CEP83: variants seen among roughly 807,000 people sequenced by gnomAD.
CEP83 encodes centrosomal protein of 83 kDa.
In CEP83, 70 loss-of-function variants were observed where a neutral mutation model predicts 101.9. The ratio of observed to expected loss-of-function variants is 0.69; its 90% CI spans 0.57 to 0.84. The LOEUF (loss-of-function observed/expected upper bound fraction) is 0.84. CEP83 is among the 40% of genes least tolerant of loss of function. CEP83 has a pLI of 0.00. For synonymous variants in CEP83, 264 were observed against 267.9 expected (o/e 0.99, Z 0.14); for missense variants, 715 against 787.2 (o/e 0.91, Z 1.10).
intron 5 of CEP83, 75 bp downstream of exon 5, chr12:94,403,095 T>C: frequency 1.3e-6 from 1 of 771,014 alleles, no homozygotes; most frequent in East Asian, 2.5e-5. Flanking sequence ...GGTTTTGGGG[T>C]AGGGGAATGA....
intron 11 of CEP83, among the ~76,000 whole-genome samples, chr12:94,346,848 G>T (rs1400150348): frequency 6.6e-6 from 1 of 152,026 alleles, no homozygotes; most frequent in Non-Finnish European, 1.5e-5. Context: ...GACCAGTCTG[G>T]GAAACATGGA....
At chr12:94,275,522 G>A in the CEP83 span, among the ~76,000 whole-genome samples, 1 of 152,166 alleles carries the variant, frequency 6.6e-6, no homozygotes, top group Non-Finnish European at 1.5e-5. Flanking sequence ...GTGTTAAGAG[G>A]CTGACCCCAA....
chr12:94,323,205 C>T (rs2058823643), intron 14 of CEP83, among the ~76,000 whole-genome samples: 4 of 152,096 alleles, frequency 2.6e-5, no homozygotes, highest in African/African-American at 9.7e-5. Context: ...GGGGTATGTA[C>T]AGGGGTCTAA....
At chr12:94,389,987 A>T (rs1459498222) in intron 6 of CEP83, among the ~76,000 whole-genome samples, 2 of 152,224 alleles carry the variant, frequency 1.3e-5, no homozygotes, top group Non-Finnish European at 2.9e-5. Flanking sequence ...GGCGGAGCCC[A>T]CTGCAGCTCA....
chr12:94,308,767 G>A lies in CEP83; in HGVS notation c.*46C>T. The A allele has an allele frequency of 1.6e-6, 2 of 1,273,562 alleles. No individual in the cohort carries two copies. The highest frequency in any genetic ancestry group is 2.3e-6 in the Non-Finnish European group (2 of 874,090). The allele number at this position is 1,273,562 out of a possible 1,614,324, so 78.9% of individuals were successfully genotyped here. ...ACAGGTTAAAATGTCAAGTTTTACT[G>A]AGTCACCAACTTCACCTCTTTTGAT... On this transcript the variant is annotated 3_prime_UTR_variant, in exon 17 of 17. Transcript: ENST00000397809.
chr12:94,329,082 C>T (rs1379766853), intron 14 of CEP83, among the ~76,000 whole-genome samples: 1 of 152,186 alleles, frequency 6.6e-6, no homozygotes, highest in Non-Finnish European at 1.5e-5. Flanking sequence ...TAATCATTCA[C>T]TGAATTGACC....
intron 1 of CEP83, among the ~76,000 whole-genome samples, chr12:94,436,138 C>G (rs980347337): frequency 1.3e-5 from 2 of 151,546 alleles, no homozygotes; most frequent in African/African-American, 4.8e-5. Context: ...AAAAAGGAAC[C>G]AGGAAAGTAA....
the CEP83 span, among the ~76,000 whole-genome samples, chr12:94,288,830 C>T: frequency 6.6e-6 from 1 of 152,276 alleles, no homozygotes; most frequent in Admixed American, 6.5e-5. Flanking sequence ...TCTGTTTTCA[C>T]GTAATATTGT....
upstream of CEP83, chr12:94,459,985 A>AC (rs1320302561): frequency 2.0e-5 from 3 of 151,960 alleles, no homozygotes; most frequent in African/African-American, 2.4e-5. Context: ...AGGAAGTCCC[A>AC]CCCCCCACGC....
the CEP83 span, among the ~76,000 whole-genome samples, chr12:94,271,986 C>T: frequency 6.6e-6 from 1 of 152,098 alleles, no homozygotes; most frequent in Non-Finnish European, 1.5e-5. Context: ...CTGTGGCAGA[C>T]AGTATCCCAT....
At position 94,441,369 on chromosome 12, in the gene CEP83, T is replaced by C. The variant is rs140975251; in HGVS notation, c.-154-6042A>G. 3.3e-4 allele frequency among the ~76,000 whole-genome samples: 50 copies of C among 152,286 alleles called. No individual in the cohort carries two copies. In the East Asian group the frequency reaches 6.9e-3, roughly 21 times the overall value. On this transcript the variant is annotated intron_variant, in intron 1 of 16. Coordinates refer to ENST00000397809, the MANE Select transcript of CEP83 (RefSeq NM_016122.3). The stretch of plus-strand genomic sequence containing the variant: ...CCCATCAAAAATTAGGGAAAGGACA[T>C]GAATAGACAATTCTCAAAAGATATA...
chr12:94,346,952 C>A (rs757550383), intron 11 of CEP83, among the ~76,000 whole-genome samples: 1 of 151,816 alleles, frequency 6.6e-6, no homozygotes, highest in Non-Finnish European at 1.5e-5. Context: ...GTGGGAGGAT[C>A]GCTTGAGCCC....
the CEP83 span, among the ~76,000 whole-genome samples, chr12:94,280,775 C>T: frequency 2.9e-3 from 449 of 152,332 alleles, 1 homozygote; most frequent in African/African-American, 9.8e-3. Context: ...GGGCATACCC[C>T]GCCCGACAGT....
chr12:94,357,109 T>G (rs2060513931), intron 11 of CEP83, among the ~76,000 whole-genome samples: 1 of 152,246 alleles, frequency 6.6e-6, no homozygotes, highest in African/African-American at 2.4e-5. Context: ...CAGATTTGGC[T>G]GCTCAGGATA....
At chr12:94,365,097 G>A (rs1364912057) in intron 11 of CEP83, among the ~76,000 whole-genome samples, 1 of 151,888 alleles carries the variant, frequency 6.6e-6, no homozygotes, top group African/African-American at 2.4e-5. Flanking sequence ...AATATCTGCA[G>A]CATAATCCTA....
intron 1 of CEP83, among the ~76,000 whole-genome samples, chr12:94,438,617 A>AGT (rs1190269839): frequency 6.6e-6 from 1 of 152,228 alleles, no homozygotes. Flanking sequence ...TACTCCACTA[A>AGT]CAGCACTAGA....
At chr12:94,312,450 AAT>A (rs1450286086) in intron 15 of CEP83, 10 of 359,978 alleles carry the variant, frequency 2.8e-5, no homozygotes, top group Non-Finnish European at 3.5e-5. Context: ...CCAACAACTT[AAT>A]ATGACAAATC....
rs556812875 is a variant in CEP83, at chr12:94,427,535, T to C, written c.-102+7740A>G. On this transcript the variant is annotated intron_variant, in intron 2 of 16. Transcript: ENST00000397809. ...CAGACCTCCATATGACATTTTATTT[T>C]GCATAGGCACTGTATTTTTTAAGCA... 9.4e-4 allele frequency among the ~76,000 whole-genome samples: 143 copies of C among 152,346 alleles called. 1 individual carries two copies. The highest frequency in any genetic ancestry group is 2.5e-3 in the Admixed American group (39 of 15,304).
chr12:94,422,613 T>C (rs1239338656), intron 2 of CEP83, among the ~76,000 whole-genome samples: 1 of 152,184 alleles, frequency 6.6e-6, no homozygotes, highest in Non-Finnish European at 1.5e-5. Flanking sequence ...TTCATACTCC[T>C]TCCCCATCAC....
Sources: allele counts gnomAD v4.1 joint callset (sites outside exome capture counted in the v4.1 genomes callset), GRCh38; gene constraint gnomAD v4.1.1; transcripts MANE v1.5; gene names NCBI Gene and HGNC (gene_info 2026-07-23, HGNC 2026-07-21).